PACSIN2: variants seen among roughly 807,000 people sequenced by gnomAD.
PACSIN2 encodes the protein protein kinase C and casein kinase substrate in neurons 2, also known as protein kinase C and casein kinase substrate in neurons protein 2.
A neutral mutation model predicts 63.8 loss-of-function variants in PACSIN2; 25 were observed. That is an observed-to-expected ratio of 0.39 (90% confidence interval 0.29 to 0.55). The LOEUF is 0.55. Among genes scored for constraint, PACSIN2 ranks in the 20% least tolerant of loss-of-function variants. The probability of loss-of-function intolerance (pLI) is 0.62; values close to 1 mark genes in which losing one functional copy is unlikely to be tolerated. For missense variants in PACSIN2, 518 were observed against 646.9 expected, an observed-to-expected ratio of 0.80 and a Z score of 2.16; for synonymous variants, 255 against 256.2, an observed-to-expected ratio of 1.00 and a Z score of 0.05.
chr22:42,940,670 C>T (rs944516777), intron 1 of PACSIN2, among the ~76,000 whole-genome samples: 1 of 152,164 alleles, frequency 6.6e-6, no homozygotes, highest in African/African-American at 2.4e-5. Flanking sequence ...CTGGTGAAGC[C>T]CCTGCCACCG....
chr22:42,910,978 C>T (rs1177468818), intron 2 of PACSIN2, among the ~76,000 whole-genome samples: 1 of 151,860 alleles, frequency 6.6e-6, no homozygotes, highest in Non-Finnish European at 1.5e-5. Context: ...TGTCTCGGCT[C>T]ACTGCAAGCT....
chr22:42,964,686 A>G (rs941875280), intron 1 of PACSIN2, among the ~76,000 whole-genome samples: 5 of 152,108 alleles, frequency 3.3e-5, no homozygotes, highest in Non-Finnish European at 5.9e-5. Context: ...GCATGCCCCA[A>G]ACACAGAGCC....
In PACSIN2 at chr22:42,985,454, T is replaced by C. The variant is rs375791278; in HGVS notation, c.-78+29567A>G. Among the ~76,000 whole-genome samples the C allele has an allele frequency of 4.2e-3, 644 of 152,348 alleles. 5 individuals carry two copies. Among genetic ancestry groups the C allele is most frequent in the African/African-American group, 0.015 (620 of 41,586 alleles). ...CAGATGGGCACACTCCAAGGCTCCG[T>C]TGTGGCCCCCCACTGGCCTCACTTC... On this transcript the variant is annotated intron_variant, in intron 1 of 10. Coordinates refer to ENST00000263246, the MANE Select transcript of PACSIN2 (RefSeq NM_001184970.3).
intron 1 of PACSIN2, among the ~76,000 whole-genome samples, chr22:42,922,207 C>T (rs1457255912): frequency 6.6e-6 from 1 of 152,182 alleles, no homozygotes; most frequent in Non-Finnish European, 1.5e-5. Flanking sequence ...ACAGAGGTTG[C>T]TAAGGTGACC....
rs925714120 is a variant in PACSIN2, at chr22:42,891,106, G to A, written c.294C>T (p.Leu98=). ...CGTTCATCAGTGAGGCCTTCACCTC[G>A]AGGTGCAGCTCGCTCACCCTCTCTG... The part of the protein sequence containing the change: ...SEAERVSELH[L]EVKASLMNDD... Residue 98 remains leucine (L), a synonymous_variant, in exon 4 of 11, where the codon CTC becomes CTT. Coordinates refer to ENST00000263246, the MANE Select transcript of PACSIN2 (RefSeq NM_001184970.3). The A allele has an allele frequency of 6.2e-7, 1 of 1,614,068 alleles. No individual in the cohort carries two copies. Among genetic ancestry groups the A allele is most frequent in the Non-Finnish European group, 8.5e-7 (1 of 1,180,018 alleles).
chr22:43,012,729 C>T (rs1468848437), intron 1 of PACSIN2, among the ~76,000 whole-genome samples: 3 of 151,898 alleles, frequency 2.0e-5, no homozygotes, highest in Admixed American at 6.6e-5. Flanking sequence ...CTTGGCTCAC[C>T]GCAACCTCCG....
Position 42,876,267 on chromosome 22 carries a change from G to T in PACSIN2, c.1218C>A (p.Pro406=), listed in dbSNP as rs1357515417. The T allele has an allele frequency of 6.2e-7, 1 of 1,614,230 alleles. No homozygotes were observed. Among genetic ancestry groups the T allele is most frequent in the Non-Finnish European group, 8.5e-7 (1 of 1,180,040 alleles). The part of the protein sequence containing the change: ...TDWSDDESNN[P]FSSTDANGDS... ...CCCCATTGGCATCCGTGGAGGAGAA[G>T]GGGTTGTTAGACTCATCGTCTGACC... is the stretch of plus-strand genomic sequence containing the variant. Residue 406 remains proline, a synonymous_variant, in exon 10 of 11, where the codon CCC becomes CCA. Coordinates refer to ENST00000263246, the MANE Select transcript of PACSIN2 (RefSeq NM_001184970.3).
chr22:43,011,816 A>G (rs2146933233), intron 1 of PACSIN2, among the ~76,000 whole-genome samples: 2 of 152,038 alleles, frequency 1.3e-5, no homozygotes, highest in Admixed American at 1.3e-4. Context: ...GTTCCAGATC[A>G]GCCTGGCCAA....
intron 1 of PACSIN2, among the ~76,000 whole-genome samples, chr22:42,963,824 T>C (rs535389883): frequency 1.8e-4 from 25 of 138,448 alleles, no homozygotes; most frequent in African/African-American, 7.0e-4. Context: ...TCGTGTCATT[T>C]GGAAACAATA....
chr22:42,993,162 G>A (rs1306444772), intron 1 of PACSIN2, among the ~76,000 whole-genome samples: 2 of 149,968 alleles, frequency 1.3e-5, no homozygotes, highest in Non-Finnish European at 3.0e-5. Flanking sequence ...AACAGAACAA[G>A]ACTCCATCTC....
chr22:42,873,615 A>G (rs1399092524), intron 10 of PACSIN2, among the ~76,000 whole-genome samples: 1 of 152,176 alleles, frequency 6.6e-6, no homozygotes, highest in Non-Finnish European at 1.5e-5. Context: ...GCCTAGGGGC[A>G]AGGGCACACT....
At chr22:42,923,674 G>C (rs918345136) in intron 1 of PACSIN2, among the ~76,000 whole-genome samples, 1 of 152,120 alleles carries the variant, frequency 6.6e-6, no homozygotes, top group South Asian at 2.1e-4. Context: ...TGATCCGCCC[G>C]CCTCGGCCTC....
In PACSIN2 at chr22:42,965,818, A is replaced by G. The variant is rs182690916; in HGVS notation, c.-78+49203T>C. 2.0e-5 allele frequency among the ~76,000 whole-genome samples: 3 copies of G among 152,338 alleles called. No homozygotes were observed. In the East Asian group the frequency reaches 5.8e-4, roughly 29 times the overall value. The stretch of plus-strand genomic sequence containing the variant: ...AGCAATAGGTTTCAATGGCTGCTAG[A>G]CAGTAAACCAGTAAAATTTAATATG... On this transcript the variant is annotated intron_variant, in intron 1 of 10. Coordinates refer to ENST00000263246, the MANE Select transcript of PACSIN2 (RefSeq NM_001184970.3).
intron 1 of PACSIN2, among the ~76,000 whole-genome samples, chr22:42,924,235 C>T (rs1170250278): frequency 6.6e-6 from 1 of 152,136 alleles, no homozygotes; most frequent in Non-Finnish European, 1.5e-5. Flanking sequence ...TGCATCTCTC[C>T]ACTGTCAGTG....
chr22:42,889,493 C>T (rs1316046929), intron 4 of PACSIN2, among the ~76,000 whole-genome samples: 2 of 151,932 alleles, frequency 1.3e-5, no homozygotes, highest in African/African-American at 4.8e-5. Flanking sequence ...GAGACACAGA[C>T]AGTTTCATTA....
At chr22:42,925,086 C>G (rs1389660051) in intron 1 of PACSIN2, among the ~76,000 whole-genome samples, 3 of 152,082 alleles carry the variant, frequency 2.0e-5, no homozygotes, top group Admixed American at 2.0e-4. Flanking sequence ...CCCTCAGACC[C>G]CCTCCCTGCT....
chr22:42,958,768 T>A (rs998803968), intron 1 of PACSIN2, among the ~76,000 whole-genome samples: 10 of 152,230 alleles, frequency 6.6e-5, no homozygotes, highest in African/African-American at 2.2e-4. Context: ...AGGCACAGGC[T>A]GCACCAGCAC....
rs148540703 is a variant in PACSIN2, at chr22:42,912,556, T to G, written c.-77-399A>C. On this transcript the variant is annotated intron_variant, in intron 1 of 10. Transcript: ENST00000263246. ...CCACTTGTGTGAGCACTGTCCCCAC[T>G]CAACTCCACCTTTACTGACTCCGCC... is the stretch of plus-strand genomic sequence containing the variant. 4.6e-3 allele frequency among the ~76,000 whole-genome samples: 699 copies of G among 152,312 alleles called. 3 individuals are homozygous for G. The highest frequency in any genetic ancestry group is 7.5e-3 in the Non-Finnish European group (511 of 68,022).
intron 4 of PACSIN2, among the ~76,000 whole-genome samples, chr22:42,890,619 G>A (rs1478956657): frequency 6.6e-6 from 1 of 152,216 alleles, no homozygotes; most frequent in African/African-American, 2.4e-5. Flanking sequence ...TCGGAGGGCT[G>A]AGGCAGAATT....
Sources: allele counts gnomAD v4.1 joint callset (sites outside exome capture counted in the v4.1 genomes callset), GRCh38; gene constraint gnomAD v4.1.1; transcripts MANE v1.5; gene names NCBI Gene and HGNC (gene_info 2026-07-23, HGNC 2026-07-21).